The following TMPRSS5 variants were observed in gnomAD, a reference collection of about 807,000 sequenced individuals.
The protein encoded by TMPRSS5 is transmembrane serine protease 5.
TMPRSS5 carries 45 observed loss-of-function variants against 59.7 expected under a neutral mutation model. The ratio of observed to expected loss-of-function variants is 0.75; its 90% confidence interval spans 0.59 to 0.97. TMPRSS5 has a LOEUF of 0.97. TMPRSS5 is among the 50% of genes least tolerant of loss of function. The pLI is 0.00. For missense variants in TMPRSS5, 585 were observed against 596.7 expected (o/e 0.98, Z 0.20); for synonymous variants, 225 against 232.0 (o/e 0.97, Z 0.27).
At chr11:113,692,347 TTG>T (rs984120358) in intron 9 of TMPRSS5, among the ~76,000 whole-genome samples, 6 of 152,066 alleles carry the variant, frequency 3.9e-5, no homozygotes, top group Admixed American at 2.6e-4. Context: ...GTGTGCATGT[TTG>T]TGTGTGTGGT....
chr11:113,692,538 C>A (rs1445193520), intron 9 of TMPRSS5, among the ~76,000 whole-genome samples: 1 of 152,076 alleles, frequency 6.6e-6, no homozygotes, highest in Admixed American at 6.6e-5. Context: ...CCTGGGCTCA[C>A]GGGCAGGTGC....
chr11:113,692,668 A>G lies in TMPRSS5; in HGVS notation c.964+403T>C, dbSNP rs113302939. Among the ~76,000 whole-genome samples the G allele has an allele frequency of 8.6e-3, 1,308 of 152,296 alleles. 17 individuals are homozygous for G. Among genetic ancestry groups the G allele is most frequent in the African/African-American group, 0.028 (1,178 of 41,560 alleles). ...CTGTATCTACCTGTTTCAACTATCT[A>G]TCAGGGTTGTTACGAGGACTGAAAG... On this transcript the variant is annotated intron_variant, in intron 9 of 12. Transcript: ENST00000299882.
chr11:113,690,175 T>TCCCCCCCCCC, intron 11 of TMPRSS5, 56 bp downstream of exon 11: 4 of 159,592 alleles, frequency 2.5e-5, no homozygotes, highest in South Asian at 8.9e-5. Context: ...GCAGGCCCCC[T>TCCCCCCCCCC]GCCCTCCCAC....
chr11:113,702,615 G>C (rs1169960165), intron 1 of TMPRSS5, among the ~76,000 whole-genome samples: 3 of 152,196 alleles, frequency 2.0e-5, no homozygotes, highest in African/African-American at 7.2e-5. Flanking sequence ...TCAGAGACCC[G>C]CAGAGCAGTC....
In TMPRSS5 at chr11:113,689,901, G is replaced by C; in HGVS notation, c.1223C>G (p.Pro408Arg). 1 of 1,563,386 alleles carries C rather than the reference G, an allele frequency of 6.4e-7. No individual in the cohort carries two copies. Among genetic ancestry groups the C allele is most frequent in the Non-Finnish European group, 8.7e-7 (1 of 1,153,788 alleles). The stretch of plus-strand genomic sequence containing the variant: ...TGTGTCCCCATCTGGGCACACTAGG[G>C]GGCCCCCGCTATCTCCCTAAGGGAT... ...ADACQGDSGG[P>R]LVCPDGDTWR... Residue 408 changes from proline to arginine, a missense_variant, in exon 12 of 13, where the codon CCC becomes CGC. Physicochemically the swap from Pro to Arg is moderately radical, Grantham distance 103. Coordinates refer to ENST00000299882, the MANE Select transcript of TMPRSS5 (RefSeq NM_030770.4).
chr11:113,706,031 G>A (rs1953281618), intron 1 of TMPRSS5, among the ~76,000 whole-genome samples, 191 bp downstream of exon 1: 1 of 152,322 alleles, frequency 6.6e-6, no homozygotes, highest in Admixed American at 6.5e-5. Flanking sequence ...GATGAAAGAG[G>A]ATAATAAAGG....
chr11:113,700,144 G>GGGGTTGGTCATCCA lies in TMPRSS5; in HGVS notation c.14_27dup (p.Pro10TrpfsTer64). 2 of 1,577,832 alleles carry GGGGTTGGTCATCCA rather than the reference G, an allele frequency of 1.3e-6. No individual in the cohort carries two copies. Among genetic ancestry groups the GGGGTTGGTCATCCA allele is most frequent in the South Asian group, 2.3e-5 (2 of 85,684 alleles). On this transcript the variant is annotated frameshift_variant, in exon 2 of 13. Transcript: ENST00000299882. LOFTEE classifies it high-confidence loss of function. ...TCCTCTGCATACTGGGCCTCCATAG[G>GGGGTTGGTCATCCA]GGGTTGGTCATCCAGCATCAGGCTC...
chr11:113,691,351 G>A (rs1436890286), intron 9 of TMPRSS5, among the ~76,000 whole-genome samples: 6 of 152,212 alleles, frequency 3.9e-5, no homozygotes, highest in Admixed American at 3.9e-4. Flanking sequence ...ACACTATTGA[G>A]TAAAGCATTC....
At chr11:113,705,389 A>T (rs1438623466) in intron 1 of TMPRSS5, among the ~76,000 whole-genome samples, 1 of 152,136 alleles carries the variant, frequency 6.6e-6, no homozygotes, top group Non-Finnish European at 1.5e-5. Context: ...CAGCTCACAG[A>T]CAGCGCAGCA....
At chr11:113,689,969 G>A in intron 11 of TMPRSS5, 52 bp from the exon 12 acceptor site, 1 of 1,483,140 alleles carries the variant, frequency 6.7e-7, no homozygotes, top group South Asian at 1.3e-5. Context: ...AGTTCTTCCT[G>A]ATGGAGAGCA....
intron 1 of TMPRSS5, among the ~76,000 whole-genome samples, chr11:113,704,534 TC>T (rs1431678890): frequency 6.6e-6 from 1 of 152,054 alleles, no homozygotes; most frequent in Admixed American, 6.5e-5. Context: ...CACCTCTCCA[TC>T]CTCACTGCCA....
rs1952957194 is a variant in TMPRSS5 at position 113,697,313 on chromosome 11, A to C, written c.434T>G (p.Leu145Arg). 2 of 1,613,184 alleles carry C rather than the reference A, an allele frequency of 1.2e-6. No individual in the cohort carries two copies. The highest frequency in any genetic ancestry group is 1.7e-6 in the Non-Finnish European group (2 of 1,179,252). ...ATGCCCAAGGCTCCAGCAGATCTGCAGCCCCAGGGCGGGGCTCCAGCCCTC... is the reference window on the plus strand; with the variant it reads ...ATGCCCAAGGCTCCAGCAGATCTGCCGCCCCAGGGCGGGGCTCCAGCCCTC... The part of the protein sequence containing the change: ...CHEGWSPALG[L>R]QICWSLGHLR... The change falls in exon 5 of 13, where the codon CTG becomes CGG. Residue 145 changes from leucine to arginine, a missense_variant. By Grantham distance (102) the Leu-to-Arg change is moderately radical (BLOSUM62 -2). Transcript: ENST00000299882.
intron 1 of TMPRSS5, among the ~76,000 whole-genome samples, chr11:113,700,437 T>C (rs923050035): frequency 1.4e-4 from 21 of 152,172 alleles, no homozygotes; most frequent in African/African-American, 4.8e-4. Context: ...CTCCAAAGCC[T>C]GCACTCCTAG....
At chr11:113,689,976 A>C in intron 11 of TMPRSS5, 59 bp from the exon 12 acceptor site, 4 of 1,469,192 alleles carry the variant, frequency 2.7e-6, no homozygotes, top group Non-Finnish European at 3.6e-6. Context: ...CCTGATGGAG[A>C]GCACCAGACC....
intron 6 of TMPRSS5, among the ~76,000 whole-genome samples, chr11:113,696,009 A>G (rs368452219): frequency 2.6e-5 from 4 of 151,986 alleles, no homozygotes; most frequent in East Asian, 1.9e-4. Context: ...TAGCAGTCCA[A>G]TGTCTAGACC....
At chr11:113,698,357 GA>G (rs1304367963) in intron 4 of TMPRSS5, among the ~76,000 whole-genome samples, 7 of 152,180 alleles carry the variant, frequency 4.6e-5, no homozygotes, top group Non-Finnish European at 1.0e-4. Flanking sequence ...ATTTTATGGA[GA>G]AGGAAACAGA....
At position 113,693,201 on chromosome 11, in the gene TMPRSS5, G is replaced by A; in HGVS notation, c.834C>T (p.Val278=). Residue 278 remains valine, a synonymous_variant, in exon 9 of 13, where the codon GTC becomes GTT. Transcript: ENST00000299882. Reference sequence around the variant, plus strand: ...GGTGGGGCCTGACGGCACTGTGGCTGACCAGCCCCGCATGAACCCGCCAGC... The same window carrying A: ...GGTGGGGCCTGACGGCACTGTGGCTAACCAGCCCCGCATGAACCCGCCAGC... ...LSSWRVHAGL[V]SHSAVRPHQG... is the part of the protein sequence containing the mutation. 1 of 1,596,512 alleles carries A rather than the reference G, an allele frequency of 6.3e-7. No individual in the cohort carries two copies. Among genetic ancestry groups the A allele is most frequent in the Non-Finnish European group, 8.5e-7 (1 of 1,171,350 alleles).
intron 1 of TMPRSS5, among the ~76,000 whole-genome samples, chr11:113,701,549 C>T (rs1426128700): frequency 1.3e-5 from 2 of 150,980 alleles, no homozygotes; most frequent in Non-Finnish European, 2.9e-5. Context: ...ATATTACATA[C>T]ATTTTAAGTT....
At position 113,690,933 on chromosome 11, in the gene TMPRSS5, A is replaced by G. The variant is rs1952762246; in HGVS notation, c.971T>C (p.Val324Ala). 1.9e-6 allele frequency: 3 copies of G among 1,585,248 alleles called. No individual in the cohort carries two copies. The highest frequency in any genetic ancestry group is 2.6e-6 in the Non-Finnish European group (3 of 1,166,204). Residue 324 changes from valine to alanine, a missense_variant, in exon 10 of 13, where the codon GTG (valine) becomes GCG (alanine). Physicochemically the swap from Val to Ala is moderately conservative, Grantham distance 64. Coordinates refer to ENST00000299882, the MANE Select transcript of TMPRSS5 (RefSeq NM_030770.4). Reference protein sequence around the residue: ...LQTALNFSDTVGAVCLPAKEQ... With the variant: ...LQTALNFSDTAGAVCLPAKEQ... ...CTTGGCCGGCAGGCACACAGCGCCC[A>G]CAGTGTCTGTAGAGAGGCACATGGT...
Sources: allele counts gnomAD v4.1 joint callset (sites outside exome capture counted in the v4.1 genomes callset), GRCh38; gene constraint gnomAD v4.1.1; transcripts MANE v1.5; gene names NCBI Gene and HGNC (gene_info 2026-07-23, HGNC 2026-07-21).